Variants in VMA22 observed in about 807,000 individuals in gnomAD.
VMA22 encodes the protein vacuolar ATPase assembly factor VMA22.
chr2:130,342,583 G>T, the VMA22 span: 1 of 461,278 alleles, frequency 2.2e-6, no homozygotes, highest in South Asian at 3.5e-5. Context: ...CGCTAATTAT[G>T]ATTGTTTTAG....
the VMA22 span, chr2:130,341,634 G>C: frequency 6.4e-7 from 1 of 1,564,866 alleles, no homozygotes; most frequent in Non-Finnish European, 8.7e-7. Flanking sequence ...TTGACACTGG[G>C]AAGGGGTTCT....
At chr2:130,339,760 C>T in the VMA22 span, 1 of 1,303,890 alleles carries the variant, frequency 7.7e-7, no homozygotes, top group Non-Finnish European at 1.0e-6. Flanking sequence ...GCCTCCAGGA[C>T]ACCTGCCCCC....
At chr2:130,340,170 G>T in the VMA22 span, 2 of 161,172 alleles carry the variant, frequency 1.2e-5, no homozygotes, top group Non-Finnish European at 2.7e-5. Context: ...TATCTTATCT[G>T]TCAGCAAATT....
At chr2:130,339,079 G>A in the VMA22 span, 1 of 1,487,050 alleles carries the variant, frequency 6.7e-7, no homozygotes, top group Non-Finnish European at 9.4e-7. Context: ...AGCCATGTCG[G>A]AGAACAGCTG....
the VMA22 span, chr2:130,342,033 C>T: frequency 6.2e-7 from 1 of 1,613,988 alleles, no homozygotes. Context: ...CCCGGGCGTT[C>T]AACACCGTTC....
chr2:130,342,007 GCGCC>G, the VMA22 span: 1 of 1,613,750 alleles, frequency 6.2e-7, no homozygotes, highest in Non-Finnish European at 8.5e-7. Flanking sequence ...CCCGCCCCAG[GCGCC>G]TACCTCCTCC....
At chr2:130,340,804 C>T in the VMA22 span, 3 of 1,422,248 alleles carry the variant, frequency 2.1e-6, no homozygotes, top group Non-Finnish European at 3.0e-6. Flanking sequence ...GGAAAACCTG[C>T]AAAGCCTTTC....
chr2:130,341,836 C>G, the VMA22 span: 1 of 1,077,496 alleles, frequency 9.3e-7, no homozygotes, highest in East Asian at 4.1e-5. Flanking sequence ...TGGAAGCTTC[C>G]TCACCTGGCG....
the VMA22 span, chr2:130,339,837 C>T: frequency 3.7e-5 from 47 of 1,274,338 alleles, no homozygotes; most frequent in Non-Finnish European, 4.7e-5. Context: ...GTCCATACTC[C>T]CCAGGCCCTC....
chr2:130,342,502 G>T, the VMA22 span: 1 of 486,654 alleles, frequency 2.1e-6, no homozygotes, highest in Non-Finnish European at 3.7e-6. Flanking sequence ...TGGTTTTAAA[G>T]TTAATTTGGA....
the VMA22 span, chr2:130,341,061 G>A: frequency 1.3e-6 from 2 of 1,580,740 alleles, no homozygotes; most frequent in Non-Finnish European, 1.7e-6. Context: ...AAGGTTGGAG[G>A]AGGCTGGGAT....
chr2:130,340,833 T>G, the VMA22 span: 1 of 1,566,876 alleles, frequency 6.4e-7, no homozygotes, highest in Non-Finnish European at 8.8e-7. Context: ...ACCCCAGCCA[T>G]GGCAGCAGTG....
the VMA22 span, chr2:130,341,944 C>A: frequency 6.2e-7 from 1 of 1,613,520 alleles, no homozygotes; most frequent in Non-Finnish European, 8.5e-7. Flanking sequence ...GAGAGCCAGC[C>A]CTGCAGGGAG....
the VMA22 span, chr2:130,339,883 T>C: frequency 6.7e-6 from 8 of 1,192,142 alleles, no homozygotes; most frequent in Non-Finnish European, 8.6e-6. Context: ...TAAACCAGTG[T>C]TTGTGTCAAA....
At chr2:130,339,325 G>A in the VMA22 span, 1 of 1,366,162 alleles carries the variant, frequency 7.3e-7, no homozygotes, top group South Asian at 1.3e-5. Flanking sequence ...AAAGGCTTCA[G>A]GCCTCTCTGC....
At chr2:130,338,938 T>G in the VMA22 span, 1 of 589,102 alleles carries the variant, frequency 1.7e-6, no homozygotes, top group Non-Finnish European at 3.0e-6. Flanking sequence ...CTTTCAAAAT[T>G]ACTGTTTGCC....
chr2:130,342,296 G>T, the VMA22 span: 2 of 1,309,848 alleles, frequency 1.5e-6, no homozygotes, highest in Non-Finnish European at 2.1e-6. Flanking sequence ...AGCGCCCTTA[G>T]AGAAGCAGCA....
At chr2:130,340,557 GCCCACTCCTGT>G in the VMA22 span, 1 of 321,982 alleles carries the variant, frequency 3.1e-6, no homozygotes. Flanking sequence ...ACCTCCCCTG[GCCCACTCCTGT>G]CCCACTCCAT....
chr2:130,340,827 C>G, the VMA22 span: 1 of 1,547,686 alleles, frequency 6.5e-7, no homozygotes, highest in Non-Finnish European at 8.9e-7. Flanking sequence ...AGACTAACCC[C>G]AGCCATGGCA....
Sources: gnomAD v4.1 joint callset for allele counts on GRCh38, gnomAD v4.1.1 for gene constraint, MANE v1.5 for transcripts, NCBI Gene and HGNC (gene_info 2026-07-23, HGNC 2026-07-21) for gene names.